NOD1: variants seen among roughly 807,000 people sequenced by gnomAD.
The protein encoded by NOD1 is nucleotide-binding oligomerization domain-containing protein 1.
NOD1 carries 70 observed loss-of-function variants against 81.2 expected under a neutral mutation model. The ratio of observed to expected loss-of-function variants is 0.86; its 90% CI spans 0.71 to 1.05. The LOEUF is 1.05. Ranked by LOEUF, NOD1 falls within the 50% of genes least tolerant of loss-of-function variation. NOD1 has a pLI of 0.00. For missense variants in NOD1, 1,233 were observed against 1,228.0 expected (o/e 1.00, Z -0.06); for synonymous variants, 508 against 526.9 (o/e 0.96, Z 0.49).
At position 30,448,285 on chromosome 7, in the gene NOD1, G is replaced by C. The variant is rs1376567641; in HGVS notation, c.2285+13C>G. The C allele has an allele frequency of 6.2e-7, 1 of 1,605,178 alleles. No homozygotes were observed. Among genetic ancestry groups the C allele is most frequent in the South Asian group, 1.1e-5 (1 of 90,904 alleles). On this transcript the variant is annotated intron_variant, in intron 7 of 13. Coordinates refer to ENST00000222823, the MANE Select transcript of NOD1 (RefSeq NM_006092.4). ...ACTAGGTAGTTGGCCCAGTGTTCTG[G>C]AGAAAGACATACCCCAAATAGGTCA...
rs186461402 is a variant in NOD1 at position 30,425,151 on chromosome 7, A to G, written c.*487T>C. ...ATCAATACATGGGAAAGTGCTGAGAAGGAAGAAAATATTTCAGGTATAATA... is the reference window on the plus strand; with the variant it reads ...ATCAATACATGGGAAAGTGCTGAGAGGGAAGAAAATATTTCAGGTATAATA... On this transcript the variant is annotated 3_prime_UTR_variant, in exon 14 of 14. Transcript: ENST00000222823. 1.2e-3 allele frequency: 196 copies of G among 162,578 alleles called. No individual in the cohort carries two copies. The highest frequency in any genetic ancestry group is 3.3e-3 in the Middle Eastern group (1 of 306). The allele number at this position is 162,578 out of a possible 1,614,324, so 10.1% of individuals were successfully genotyped here.
intron 9 of NOD1, among the ~76,000 whole-genome samples, chr7:30,439,134 C>T (rs1248727789): frequency 1.3e-5 from 2 of 152,134 alleles, no homozygotes; most frequent in Non-Finnish European, 2.9e-5. Flanking sequence ...TTGGTGGGAA[C>T]ATAAAATGGT....
chr7:30,452,196 G>A lies in NOD1; in HGVS notation c.1221C>T (p.Ala407=). The A allele has an allele frequency of 6.2e-7, 1 of 1,613,972 alleles. No individual in the cohort carries two copies. The highest frequency in any genetic ancestry group is 8.5e-7 in the Non-Finnish European group (1 of 1,180,016). The part of the protein sequence containing the change: ...IFRCFQHFRA[A]FEGSPQLPDC... ...CGGGCAGCTGTGGTGAGCCTTCAAA[G>A]GCAGCACGGAAGTGCTGGAAGCACC... The change falls in exon 6 of 14, where the codon GCC becomes GCT. Residue 407 remains alanine (A), a synonymous_variant. Coordinates refer to ENST00000222823, the MANE Select transcript of NOD1 (RefSeq NM_006092.4).
chr7:30,449,023 T>C (rs1370355428), intron 6 of NOD1, among the ~76,000 whole-genome samples: 2 of 152,234 alleles, frequency 1.3e-5, no homozygotes, highest in Non-Finnish European at 2.9e-5. Flanking sequence ...CTGTGGGCCA[T>C]GTGGTCTCTG....
At chr7:30,427,830 T>G (rs1783588883) in intron 13 of NOD1, among the ~76,000 whole-genome samples, 1 of 152,212 alleles carries the variant, frequency 6.6e-6, no homozygotes, top group South Asian at 2.1e-4. Context: ...CAGAGAAAAG[T>G]GGAAGCCAAC....
intron 12 of NOD1, among the ~76,000 whole-genome samples, chr7:30,430,644 G>T (rs1411626621): frequency 6.6e-6 from 1 of 152,214 alleles, no homozygotes; most frequent in African/African-American, 2.4e-5. Context: ...GAACCTTGAA[G>T]AAATAAACGC....
chr7:30,466,216 C>A (rs75275800), intron 1 of NOD1, among the ~76,000 whole-genome samples: 1,898 of 152,298 alleles, frequency 0.012, 46 homozygotes, highest in African/African-American at 0.042. Flanking sequence ...TCAAACAGTT[C>A]AGGTTCTTCT....
Position 30,437,660 on chromosome 7 carries a change from A to C in NOD1, c.2454-4T>G. On this transcript the variant is annotated splice_region_variant and splice_polypyrimidine_tract_variant and intron_variant, in intron 9 of 13. Transcript: ENST00000222823. ...CCCAACTTGATTGCCCCACATCCTG[A>C]GGGAGGAGACAAGATAGTGAATGTT... 1 of 1,512,272 alleles carries C rather than the reference A, an allele frequency of 6.6e-7. No homozygotes were observed. The highest frequency in any genetic ancestry group is 8.8e-7 in the Non-Finnish European group (1 of 1,140,080). 93.7% of individuals were successfully genotyped at this position (1,512,272 alleles called of 1,614,324 possible). A position where few individuals can be genotyped will look rare whatever the true frequency, so the allele number is the denominator to read the frequency against.
At chr7:30,448,090 G>A (rs1056373002) in intron 7 of NOD1, 14 of 572,172 alleles carry the variant, frequency 2.4e-5, no homozygotes, top group African/African-American at 2.1e-4. Flanking sequence ...TGGGATCCCA[G>A]TTTTACAGGT....
chr7:30,459,551 T>G (rs2128078843), intron 2 of NOD1, among the ~76,000 whole-genome samples: 1 of 152,288 alleles, frequency 6.6e-6, no homozygotes, highest in East Asian at 1.9e-4. Flanking sequence ...AAAAATATCC[T>G]TTGCAATACA....
rs893342537 is a variant in NOD1, at chr7:30,460,649, G to A, written c.-351-608C>T. 1.7e-4 allele frequency: 170 copies of A among 985,400 alleles called. No individual in the cohort carries two copies. The African/African-American group carries it at 2.9e-3, about 17-fold the overall frequency. The allele number at this position is 985,400 out of a possible 1,614,324, so 61.0% of individuals were successfully genotyped here. On this transcript the variant is annotated intron_variant, in intron 1 of 13. Transcript: ENST00000222823. ...AATGAAGCAGAGGAGATCGGAGGAG[G>A]GTGAGTCCACCACCAAAAGCCATCT...
chr7:30,458,414 C>T (rs1197107980), intron 3 of NOD1, among the ~76,000 whole-genome samples: 1 of 152,100 alleles, frequency 6.6e-6, no homozygotes, highest in Non-Finnish European at 1.5e-5. Context: ...GCTCATAGAT[C>T]TTTTAACACT....
intron 1 of NOD1, among the ~76,000 whole-genome samples, chr7:30,474,378 G>C (rs1007766431): frequency 1.3e-5 from 2 of 152,226 alleles, no homozygotes; most frequent in Non-Finnish European, 2.9e-5. Flanking sequence ...GGTTAAGTAT[G>C]TTGGTGAAGG....
At chr7:30,448,110 G>C in intron 7 of NOD1, 188 bp downstream of exon 7, 2 of 595,848 alleles carry the variant, frequency 3.4e-6, no homozygotes, top group Non-Finnish European at 6.1e-6. Flanking sequence ...TGAGGAGGCT[G>C]AGGCTCAGCA....
chr7:30,455,159 T>C lies in NOD1; in HGVS notation c.354A>G (p.Lys118=). 1 of 1,613,992 alleles carries C rather than the reference T, an allele frequency of 6.2e-7. No individual in the cohort carries two copies. Among genetic ancestry groups the C allele is most frequent in the Non-Finnish European group, 8.5e-7 (1 of 1,180,002 alleles). The change falls in exon 5 of 14, where the codon AAA becomes AAG. Residue 118 remains lysine, a synonymous_variant. Coordinates refer to ENST00000222823, the MANE Select transcript of NOD1 (RefSeq NM_006092.4). The stretch of plus-strand genomic sequence containing the variant: ...TACCTGGGTCAGTGTTGACCACGAC[T>C]TTGCTCTGAGTGAGCAGGGAAGGGG... ...GFSPSLLTQS[K]VVVNTDPVSR...
At chr7:30,438,985 A>G (rs1245374467) in intron 9 of NOD1, among the ~76,000 whole-genome samples, 2 of 152,254 alleles carry the variant, frequency 1.3e-5, no homozygotes, top group Admixed American at 1.3e-4. Context: ...AATAAAAATT[A>G]TAATGAAACA....
chr7:30,460,258 G>A (rs947954940), intron 1 of NOD1: 248 of 985,348 alleles, frequency 2.5e-4, no homozygotes, highest in Admixed American at 2.5e-4. Flanking sequence ...TGGGAGACTG[G>A]AGATCAATTC....
chr7:30,457,401 T>G (rs1185438815), intron 3 of NOD1, among the ~76,000 whole-genome samples: 1 of 152,052 alleles, frequency 6.6e-6, no homozygotes, highest in Non-Finnish European at 1.5e-5. Context: ...CAGTGAACGA[T>G]GATCACACCA....
chr7:30,473,717 G>A (rs1788502840), intron 1 of NOD1, among the ~76,000 whole-genome samples: 1 of 152,142 alleles, frequency 6.6e-6, no homozygotes, highest in African/African-American at 2.4e-5. Flanking sequence ...CCTACACAGA[G>A]CATAAGCACA....
Sources: gnomAD v4.1 joint callset for allele counts (sites outside exome capture counted in the v4.1 genomes callset) on GRCh38, gnomAD v4.1.1 for gene constraint, MANE v1.5 for transcripts, NCBI Gene and HGNC (gene_info 2026-07-23, HGNC 2026-07-21) for gene names.